The following IGF1R variants were observed in gnomAD, a reference collection of about 807,000 sequenced individuals.
IGF1R encodes the protein insulin like growth factor 1 receptor.
IGF1R carries 44 observed loss-of-function variants against 144.6 expected under a neutral mutation model. That is an observed-to-expected ratio of 0.30 (90% CI 0.24 to 0.39). IGF1R has a LOEUF of 0.39. Ranked by LOEUF, IGF1R falls within the 10% of genes least tolerant of loss-of-function variation. IGF1R has a pLI of 1.00. For missense variants in IGF1R, 1,355 were observed against 1,833.7 expected, an observed-to-expected ratio of 0.74 and a Z score of 4.77; for synonymous variants, 795 against 722.8, an observed-to-expected ratio of 1.10 and a Z score of -1.60.
chr15:98,888,564 A>G (rs1341527271), intron 2 of IGF1R, among the ~76,000 whole-genome samples: 1 of 152,068 alleles, frequency 6.6e-6, no homozygotes, highest in African/African-American at 2.4e-5. Flanking sequence ...CATTTTAGGA[A>G]CTCATAAAAT....
intron 5 of IGF1R, among the ~76,000 whole-genome samples, chr15:98,906,710 C>G (rs1412987758): frequency 6.6e-6 from 1 of 152,206 alleles, no homozygotes. Flanking sequence ...TGCTGCTTTT[C>G]CAGGATAGCT....
intron 19 of IGF1R, among the ~76,000 whole-genome samples, chr15:98,943,590 A>G (rs2016444662): frequency 6.6e-6 from 1 of 152,258 alleles, no homozygotes; most frequent in Non-Finnish European, 1.5e-5. Flanking sequence ...TCCCTTAATC[A>G]TAAACAGTGT....
chr15:98,861,624 C>G (rs1596369453), intron 2 of IGF1R, among the ~76,000 whole-genome samples: 1 of 152,244 alleles, frequency 6.6e-6, no homozygotes, highest in Admixed American at 6.5e-5. Flanking sequence ...TGAAGACATT[C>G]TGGGTTTGTA....
intron 2 of IGF1R, among the ~76,000 whole-genome samples, chr15:98,788,474 G>A (rs2056057624): frequency 6.6e-6 from 1 of 152,188 alleles, no homozygotes; most frequent in South Asian, 2.1e-4. Flanking sequence ...CTTACCCAAG[G>A]TGCAGCAACA....
intron 15 of IGF1R, among the ~76,000 whole-genome samples, chr15:98,932,460 G>C (rs899007169): frequency 1.3e-5 from 2 of 152,194 alleles, no homozygotes; most frequent in African/African-American, 4.8e-5. Flanking sequence ...GTGGCACTGG[G>C]GACGCCTGCT....
At chr15:98,786,895 A>G (rs1043893970) in intron 2 of IGF1R, among the ~76,000 whole-genome samples, 1 of 152,170 alleles carries the variant, frequency 6.6e-6, no homozygotes, top group East Asian at 1.9e-4. Flanking sequence ...CCTTTTCTCA[A>G]GTCATGGAGA....
At chr15:98,923,534 A>G (rs910462494) in intron 11 of IGF1R, among the ~76,000 whole-genome samples, 1 of 152,234 alleles carries the variant, frequency 6.6e-6, no homozygotes, top group Middle Eastern at 3.2e-3. Flanking sequence ...GGGTAGAAGA[A>G]AGTTACTTAG....
intron 20 of IGF1R, among the ~76,000 whole-genome samples, chr15:98,950,829 T>TG (rs949916686): frequency 2.0e-5 from 3 of 152,180 alleles, no homozygotes; most frequent in Admixed American, 6.5e-5. Context: ...GCAACGATCT[T>TG]GGGGGGCATC....
intron 20 of IGF1R, among the ~76,000 whole-genome samples, chr15:98,950,793 G>A (rs1447386775): frequency 1.3e-5 from 2 of 152,146 alleles, no homozygotes; most frequent in Non-Finnish European, 2.9e-5. Context: ...CAAGTGAGGG[G>A]ATTATATGGG....
intron 2 of IGF1R, among the ~76,000 whole-genome samples, chr15:98,794,350 T>C (rs1342160191): frequency 1.3e-5 from 2 of 152,084 alleles, no homozygotes; most frequent in African/African-American, 4.8e-5. Context: ...AGACATTCTG[T>C]ATTAGAATGG....
intron 2 of IGF1R, among the ~76,000 whole-genome samples, chr15:98,748,523 T>G (rs975405674): frequency 6.6e-6 from 1 of 152,156 alleles, no homozygotes; most frequent in African/African-American, 2.4e-5. Context: ...AGGTGCATTC[T>G]TTAGCAATTA....
rs1319355019 is a variant in IGF1R, at chr15:98,648,707, A to G, written c.-875A>G. Among the ~76,000 whole-genome samples, 2 of 146,336 alleles carry G rather than the reference A, an allele frequency of 1.4e-5. No individual in the cohort carries two copies. The highest frequency in any genetic ancestry group is 2.0e-4 in the East Asian group (1 of 4,986). On this transcript the variant is annotated 5_prime_UTR_variant, in exon 1 of 21. Transcript: ENST00000650285. ...AGGGACGCCGCCAGCGAGCCTGCCC[A>G]CGGCCGGCGCTCGCAGACCCTCGGC...
At chr15:98,660,831 A>G (rs1274977785) in intron 1 of IGF1R, among the ~76,000 whole-genome samples, 2 of 152,162 alleles carry the variant, frequency 1.3e-5, no homozygotes, top group African/African-American at 4.8e-5. Context: ...TGAATAATTC[A>G]TTGGCACCGA....
intron 1 of IGF1R, among the ~76,000 whole-genome samples, chr15:98,664,586 A>T (rs1197437481): frequency 1.3e-5 from 2 of 150,216 alleles, no homozygotes; most frequent in Non-Finnish European, 3.0e-5. Flanking sequence ...AATCACTTGA[A>T]CCTGGGAGGT....
intron 2 of IGF1R, among the ~76,000 whole-genome samples, chr15:98,768,746 C>T (rs1429839534): frequency 4.3e-5 from 5 of 117,296 alleles, no homozygotes; most frequent in Middle Eastern, 6.3e-3. Context: ...GGTGAAACCC[C>T]GTCTCTACTA....
At chr15:98,755,666 C>T (rs2055130614) in intron 2 of IGF1R, among the ~76,000 whole-genome samples, 1 of 123,348 alleles carries the variant, frequency 8.1e-6, no homozygotes, top group Non-Finnish European at 1.6e-5. Context: ...TTGCAGTGAG[C>T]CTACATCGTG....
At chr15:98,683,150 C>G (rs891132721) in intron 1 of IGF1R, among the ~76,000 whole-genome samples, 16 of 151,930 alleles carry the variant, frequency 1.1e-4, no homozygotes, top group African/African-American at 3.9e-4. Context: ...TGACAAAGTG[C>G]ATGGCATAGG....
At chr15:98,938,118 G>C (rs2016225863) in intron 17 of IGF1R, among the ~76,000 whole-genome samples, 1 of 152,242 alleles carries the variant, frequency 6.6e-6, no homozygotes, top group African/African-American at 2.4e-5. Context: ...CAGGGCAGCA[G>C]CCAGCATCCA....
At chr15:98,814,394 A>G (rs934371458) in intron 2 of IGF1R, among the ~76,000 whole-genome samples, 1 of 152,166 alleles carries the variant, frequency 6.6e-6, no homozygotes, top group Non-Finnish European at 1.5e-5. Flanking sequence ...TCTGTTGCCC[A>G]GGCTGGAGTG....
Sources: gnomAD v4.1 joint callset for allele counts (sites outside exome capture counted in the v4.1 genomes callset) on GRCh38, gnomAD v4.1.1 for gene constraint, MANE v1.5 for transcripts, NCBI Gene and HGNC (gene_info 2026-07-23, HGNC 2026-07-21) for gene names.